The following RHBDD1 variants were observed in gnomAD, a reference collection of about 807,000 sequenced individuals.
RHBDD1 encodes the protein rhomboid-related protein 4.
A neutral mutation model predicts 36.3 loss-of-function variants in RHBDD1; 38 were observed. The ratio of observed to expected loss-of-function variants is 1.05; its 90% CI spans 0.81 to 1.37. The LOEUF (loss-of-function observed/expected upper bound fraction) is 1.37. Ranked by LOEUF, RHBDD1 falls within the 40% of genes most tolerant of loss-of-function variation. The probability of loss-of-function intolerance (pLI) is 0.00; values close to 1 mark genes in which losing one functional copy is unlikely to be tolerated. For synonymous variants in RHBDD1, 151 were observed against 136.5 expected (o/e 1.11, Z -0.74); for missense variants, 393 against 377.6 (o/e 1.04, Z -0.34).
intron 8 of RHBDD1, among the ~76,000 whole-genome samples, chr2:226,953,828 G>A (rs866207637): frequency 4.6e-5 from 7 of 152,118 alleles, no homozygotes; most frequent in African/African-American, 9.7e-5. Context: ...TTGGTGATGC[G>A]TTCTTAAGAC....
At chr2:226,837,131 T>C (rs1019416016) in intron 1 of RHBDD1, among the ~76,000 whole-genome samples, 4 of 152,212 alleles carry the variant, frequency 2.6e-5, no homozygotes, top group East Asian at 1.9e-4. Context: ...TCACATATAA[T>C]GGAATTTGAA....
chr2:226,906,748 T>G (rs772573650), intron 5 of RHBDD1, 45 bp from the exon 6 acceptor site: 1 of 1,613,820 alleles, frequency 6.2e-7, no homozygotes, highest in Non-Finnish European at 8.5e-7. Context: ...ATGTCTCTAA[T>G]CAGCAGCAGA....
At chr2:226,871,340 G>A (rs1944783525) in intron 5 of RHBDD1, among the ~76,000 whole-genome samples, 1 of 152,088 alleles carries the variant, frequency 6.6e-6, no homozygotes, top group South Asian at 2.1e-4. Context: ...AACTTCAGCA[G>A]GCATCTGTTA....
intron 5 of RHBDD1, among the ~76,000 whole-genome samples, chr2:226,886,797 G>C (rs1174655164): frequency 3.9e-5 from 6 of 152,088 alleles, no homozygotes; most frequent in Non-Finnish European, 7.4e-5. Context: ...AAACCTGTGG[G>C]CTTTGGCAAA....
At position 226,903,439 on chromosome 2, in the gene RHBDD1, T is replaced by C. The variant is rs193133140; in HGVS notation, c.567-3354T>C. Among the ~76,000 whole-genome samples, 319 of 152,284 alleles carry C rather than the reference T, an allele frequency of 2.1e-3. 3 individuals are homozygous for C. The highest frequency in any genetic ancestry group is 7.2e-3 in the African/African-American group (300 of 41,556). ...CCCGTGAGTCACTTAGTAGCTGTTA[T>C]GATTATGAGATGAGAAAAGCATAGT... On this transcript the variant is annotated intron_variant, in intron 5 of 8. Coordinates refer to ENST00000392062, the MANE Select transcript of RHBDD1 (RefSeq NM_001167608.3).
chr2:226,828,700 ATCT>A, the RHBDD1 span, among the ~76,000 whole-genome samples: 1 of 152,316 alleles, frequency 6.6e-6, no homozygotes, highest in East Asian at 1.9e-4. Flanking sequence ...TTACTCATAT[ATCT>A]TCTTTGATGA....
chr2:226,888,608 T>A (rs1187706987), intron 5 of RHBDD1, among the ~76,000 whole-genome samples: 2 of 152,068 alleles, frequency 1.3e-5, no homozygotes, highest in Non-Finnish European at 2.9e-5. Context: ...CCTTTGTGTC[T>A]TGTTTTTTTT....
chr2:226,961,139 A>G (rs1232217844), intron 8 of RHBDD1, among the ~76,000 whole-genome samples: 1 of 152,176 alleles, frequency 6.6e-6, no homozygotes, highest in Non-Finnish European at 1.5e-5. Context: ...TCACAACCTC[A>G]ACATGGCATG....
At chr2:226,841,864 A>T (rs932820292) in intron 3 of RHBDD1, among the ~76,000 whole-genome samples, 1 of 152,304 alleles carries the variant, frequency 6.6e-6, no homozygotes, top group South Asian at 2.1e-4. Flanking sequence ...TCTTTGAGGA[A>T]TCGCCAGTCT....
chr2:226,886,012 A>G (rs1946173697), intron 5 of RHBDD1, among the ~76,000 whole-genome samples: 1 of 152,234 alleles, frequency 6.6e-6, no homozygotes, highest in Non-Finnish European at 1.5e-5. Context: ...CACAGTACTC[A>G]GAACAGTGTG....
intron 5 of RHBDD1, among the ~76,000 whole-genome samples, chr2:226,901,759 A>G (rs1947616015): frequency 6.6e-6 from 1 of 152,254 alleles, no homozygotes; most frequent in Admixed American, 6.5e-5. Context: ...CTAATATCCA[A>G]AATATGTAAA....
At chr2:226,860,854 C>T (rs553332895) in intron 3 of RHBDD1, among the ~76,000 whole-genome samples, 54 of 152,272 alleles carry the variant, frequency 3.5e-4, no homozygotes, top group African/African-American at 1.2e-3. Flanking sequence ...ACTGAGAAGC[C>T]AAGCCACACA....
rs572794678 is a variant in RHBDD1 at position 226,886,908 on chromosome 2, A to G, written c.566+19590A>G. ...AAAAGGAACAAATAAATAGAGGAAC[A>G]TGGAACTGATCATGATAAAGGCAAA... On this transcript the variant is annotated intron_variant, in intron 5 of 8. Coordinates refer to ENST00000392062, the MANE Select transcript of RHBDD1 (RefSeq NM_001167608.3). Among the ~76,000 whole-genome samples, 12 of 152,258 alleles carry G rather than the reference A, an allele frequency of 7.9e-5. No homozygotes were observed. In the East Asian group the frequency reaches 1.7e-3, roughly 22 times the overall value.
intron 8 of RHBDD1, among the ~76,000 whole-genome samples, chr2:226,934,610 A>G (rs568940031): frequency 2.6e-5 from 4 of 152,236 alleles, no homozygotes; most frequent in African/African-American, 9.6e-5. Context: ...GAAATATTGA[A>G]ATTTATATTA....
the RHBDD1 span, among the ~76,000 whole-genome samples, chr2:226,821,234 C>T: frequency 2.0e-5 from 3 of 152,188 alleles, no homozygotes; most frequent in African/African-American, 7.2e-5. Flanking sequence ...CCACCCAGTC[C>T]TTAGGCTAGA....
chr2:226,971,999 T>TTGC (rs1209327480), intron 8 of RHBDD1, among the ~76,000 whole-genome samples: 3 of 152,016 alleles, frequency 2.0e-5, no homozygotes, highest in African/African-American at 7.2e-5. Context: ...CCACGGTGGT[T>TTGC]TGCTGCACCT....
At chr2:226,895,858 C>A (rs1056102643) in intron 5 of RHBDD1, 27 of 967,262 alleles carry the variant, frequency 2.8e-5, no homozygotes, top group East Asian at 1.1e-4. Context: ...AAGTACTGTT[C>A]TTAAAATGAG....
At chr2:226,810,236 A>G in the RHBDD1 span, among the ~76,000 whole-genome samples, 1 of 152,130 alleles carries the variant, frequency 6.6e-6, no homozygotes, top group Non-Finnish European at 1.5e-5. Context: ...AAAATAAAAT[A>G]ATCTAGAGAA....
chr2:226,948,651 T>C (rs1422617170), intron 8 of RHBDD1, among the ~76,000 whole-genome samples: 4 of 135,512 alleles, frequency 3.0e-5, no homozygotes, highest in African/African-American at 8.1e-5. Flanking sequence ...CTCCAAATAA[T>C]AAGAGCCATA....
Sources: gnomAD v4.1 joint callset for allele counts (sites outside exome capture counted in the v4.1 genomes callset) on GRCh38, gnomAD v4.1.1 for gene constraint, MANE v1.5 for transcripts, NCBI Gene and HGNC (gene_info 2026-07-23, HGNC 2026-07-21) for gene names.